Variants in TMC3 observed in about 807,000 individuals in gnomAD.
TMC3 encodes transmembrane channel-like protein 3.
TMC3 carries 98 observed loss-of-function variants against 110.6 expected under a neutral mutation model. That is an observed-to-expected ratio of 0.89 (90% CI 0.75 to 1.05). The LOEUF (loss-of-function observed/expected upper bound fraction) is 1.05, where lower values mean the gene tolerates loss of function less well. Ranked by LOEUF, TMC3 falls within the 50% of genes least tolerant of loss-of-function variation. The pLI, the probability that TMC3 is intolerant of heterozygous loss-of-function variation, is 0.00. For synonymous variants in TMC3, 489 were observed against 513.1 expected, an observed-to-expected ratio of 0.95 and a Z score of 0.63; for missense variants, 1,319 against 1,373.2, an observed-to-expected ratio of 0.96 and a Z score of 0.62.
At chr15:81,358,635 T>A in intron 5 of TMC3, 135 bp from the exon 6 acceptor site, 2 of 688,958 alleles carry the variant, frequency 2.9e-6, no homozygotes, top group South Asian at 2.2e-5. Context: ...CTGCTTGATT[T>A]TCATTAATGA....
rs1451636441 is a variant in TMC3 at position 81,338,488 on chromosome 15, CATGTGACTCTGGT to C, written c.2081+154_2081+166del. Reference sequence around the variant, plus strand: ...GCTGTGTCTCCATGGCACAGTGCCTCATGTGACTCTGGTGTGTGACTCAGAGTCCCTGTTGAGA... The same window carrying C: ...GCTGTGTCTCCATGGCACAGTGCCTCGTGTGACTCAGAGTCCCTGTTGAGA... On this transcript the variant is annotated intron_variant, in intron 18 of 21. Coordinates refer to ENST00000359440, the MANE Select transcript of TMC3 (RefSeq NM_001080532.3). Among the ~76,000 whole-genome samples, 4 of 152,180 alleles carry C rather than the reference CATGTGACTCTGGT, an allele frequency of 2.6e-5. No homozygotes were observed. In the East Asian group the frequency reaches 7.7e-4, roughly 29 times the overall value.
At chr15:81,371,223 G>A (rs990038473) in intron 2 of TMC3, among the ~76,000 whole-genome samples, 14 of 152,250 alleles carry the variant, frequency 9.2e-5, no homozygotes, top group African/African-American at 3.1e-4. Flanking sequence ...AGCTGATAAC[G>A]GACATGAAAG....
intron 9 of TMC3, among the ~76,000 whole-genome samples, chr15:81,354,527 C>T (rs138488608): frequency 6.2e-4 from 94 of 152,328 alleles, no homozygotes; most frequent in Non-Finnish European, 5.0e-4. Flanking sequence ...TGTGTGTTGA[C>T]TGGGATCTTG....
chr15:81,372,758 G>T, intron 1 of TMC3, 21 bp from the exon 2 acceptor site: 1 of 1,612,278 alleles, frequency 6.2e-7, no homozygotes, highest in Non-Finnish European at 8.5e-7. Context: ...AGGGCATTAA[G>T]GAGGAAATCT....
Position 81,338,757 on chromosome 15 carries a change from A to G in TMC3, c.1979T>C (p.Ile660Thr), listed in dbSNP as rs1455780713. The G allele has an allele frequency of 9.3e-6, 15 of 1,613,716 alleles. No individual in the cohort carries two copies. The highest frequency in any genetic ancestry group is 2.7e-5 in the African/African-American group (2 of 74,910). ...GTCTTTCTCAATCGTTTCTGACACA[A>G]TGTCATAAATTTTCTCTTGTCCACT... ...PFSGQEKIYD[I>T]VSETIEKDFP... Residue 660 changes from isoleucine (I) to threonine (T), a missense_variant, in exon 18 of 22, where the codon ATT (isoleucine) becomes ACT (threonine). Coordinates refer to ENST00000359440, the MANE Select transcript of TMC3 (RefSeq NM_001080532.3).
chr15:81,358,613 G>A, intron 5 of TMC3, 113 bp from the exon 6 acceptor site: 2 of 789,096 alleles, frequency 2.5e-6, no homozygotes, highest in Non-Finnish European at 3.9e-6. Flanking sequence ...GAGATCTCCA[G>A]GGGGTGGATT....
At chr15:81,370,081 A>AG (rs1333681740) in intron 2 of TMC3, among the ~76,000 whole-genome samples, 1 of 152,126 alleles carries the variant, frequency 6.6e-6, no homozygotes, top group Non-Finnish European at 1.5e-5. Context: ...GGTAGCAGGG[A>AG]GGGGCGGCCC....
In TMC3 at chr15:81,333,221, C is replaced by A. The variant is rs779112764; in HGVS notation, c.2501G>T (p.Arg834Met). The change falls in exon 22 of 22, where the codon AGG (arginine) becomes ATG (methionine). Residue 834 changes from arginine (R) to methionine (M), a missense_variant. By Grantham distance (91) the Arg-to-Met change is moderately conservative (BLOSUM62 -1). Coordinates refer to ENST00000359440, the MANE Select transcript of TMC3 (RefSeq NM_001080532.3). ...GLCASTSDLHRNRSRTPMTFT... is the reference protein window; with the variant it reads ...GLCASTSDLHMNRSRTPMTFT... ...TGTCATAGGTGTGCGCGATCTGTTC[C>A]TGTGAAGGTCACTGGTGCTTGCACA... is the stretch of plus-strand genomic sequence containing the variant. 6.2e-7 allele frequency: 1 copy of A among 1,613,510 alleles called. No individual in the cohort carries two copies. The highest frequency in any genetic ancestry group is 1.1e-5 in the South Asian group (1 of 91,026).
At chr15:81,360,873 C>G (rs1041123343) in intron 4 of TMC3, among the ~76,000 whole-genome samples, 9 of 151,994 alleles carry the variant, frequency 5.9e-5, no homozygotes, top group Non-Finnish European at 8.8e-5. Context: ...CCATACTCAA[C>G]AGCTGAGGAA....
chr15:81,353,154 A>G (rs188484068), intron 9 of TMC3, among the ~76,000 whole-genome samples: 20 of 152,232 alleles, frequency 1.3e-4, no homozygotes, highest in Non-Finnish European at 2.4e-4. Context: ...AAGTGTAAAA[A>G]GTTAAAAAAA....
intron 13 of TMC3, among the ~76,000 whole-genome samples, chr15:81,344,408 G>A (rs1481332179): frequency 6.6e-6 from 1 of 152,134 alleles, no homozygotes; most frequent in African/African-American, 2.4e-5. Flanking sequence ...ACATGGTTAA[G>A]GGTACAGATT....
At position 81,356,598 on chromosome 15, in the gene TMC3, C is replaced by A. The variant is rs1225925840; in HGVS notation, c.744-4G>T. The A allele has an allele frequency of 6.3e-7, 1 of 1,584,942 alleles. No individual in the cohort carries two copies. Among genetic ancestry groups the A allele is most frequent in the Admixed American group, 1.8e-5 (1 of 55,646 alleles). ...CGTGCGGGAGTTCTTAGCCATCCTG[C>A]AAAAGAGGAGCACAAACAGGTCTTG... On this transcript the variant is annotated splice_region_variant and splice_polypyrimidine_tract_variant and intron_variant, in intron 7 of 21. Transcript: ENST00000359440.
intron 10 of TMC3, among the ~76,000 whole-genome samples, chr15:81,351,323 T>G: frequency 6.6e-6 from 1 of 150,962 alleles, no homozygotes; most frequent in East Asian, 1.9e-4. Flanking sequence ...AGAGGCAGGC[T>G]ACTTTTCTGT....
At chr15:81,358,644 GA>G in intron 5 of TMC3, 144 bp from the exon 6 acceptor site, 2 of 668,892 alleles carry the variant, frequency 3.0e-6, no homozygotes, top group Non-Finnish European at 4.9e-6. Flanking sequence ...TTTCATTAAT[GA>G]AAAATTAATC....
At chr15:81,337,417 CT>C (rs1253302753) in intron 19 of TMC3, among the ~76,000 whole-genome samples, 4 of 152,164 alleles carry the variant, frequency 2.6e-5, no homozygotes, top group Non-Finnish European at 5.9e-5. Context: ...ACAGCCACAT[CT>C]AAAGGATATG....
At position 81,341,523 on chromosome 15, in the gene TMC3, A is replaced by C; in HGVS notation, c.1716-5T>G. On this transcript the variant is annotated splice_region_variant and splice_polypyrimidine_tract_variant and intron_variant, in intron 15 of 21. Coordinates refer to ENST00000359440, the MANE Select transcript of TMC3 (RefSeq NM_001080532.3). The stretch of plus-strand genomic sequence containing the variant: ...GGGGAGAAGAAGGCCCCCATCCTGG[A>C]ACCATGAGGAAGGTCAGTTTGCATC... The C allele has an allele frequency of 6.2e-7, 1 of 1,608,264 alleles. No individual in the cohort carries two copies. Among genetic ancestry groups the C allele is most frequent in the Non-Finnish European group, 8.5e-7 (1 of 1,177,076 alleles).
rs750344089 is a variant in TMC3 at position 81,351,694 on chromosome 15, C to G, written c.1083G>C (p.Glu361Asp). 1.6e-5 allele frequency: 25 copies of G among 1,552,970 alleles called. No homozygotes were observed. The highest frequency in any genetic ancestry group is 1.4e-5 in the African/African-American group (1 of 73,076). Residue 361 changes from glutamate (E) to aspartate (D), a missense_variant and splice_region_variant, in exon 10 of 22, where the codon GAG (glutamate) becomes GAC (aspartate). Glu to Asp is a conservative substitution (Grantham distance 45). Transcript: ENST00000359440. ...KKELTLWEKN[E>D]VSVVVSLVTM... ...TGCTGCAGGTAATGGCAGTGGGTACCTCATTCTTTTCCCAAAGTGTCAGCT... is the reference window on the plus strand; with the variant it reads ...TGCTGCAGGTAATGGCAGTGGGTACGTCATTCTTTTCCCAAAGTGTCAGCT...
intron 8 of TMC3, among the ~76,000 whole-genome samples, chr15:81,356,061 T>C (rs1217870852): frequency 6.6e-6 from 1 of 152,180 alleles, no homozygotes; most frequent in Non-Finnish European, 1.5e-5. Context: ...TAGAGCTAAG[T>C]CTCTGAATAT....
intron 1 of TMC3, 133 bp from the exon 2 acceptor site, chr15:81,372,870 C>CGCGTGTGT (rs1555429986): frequency 1.4e-5 from 8 of 555,614 alleles, no homozygotes; most frequent in Admixed American, 2.8e-5. Context: ...TGTGTTTGTG[C>CGCGTGTGT]GTGTGTGTGT....
Sources: allele counts gnomAD v4.1 joint callset (sites outside exome capture counted in the v4.1 genomes callset), GRCh38; gene constraint gnomAD v4.1.1; transcripts MANE v1.5; gene names NCBI Gene and HGNC (gene_info 2026-07-23, HGNC 2026-07-21).